The following SCARF1 variants were observed in gnomAD, a reference collection of about 807,000 sequenced individuals.
The protein encoded by SCARF1 is scavenger receptor class F member 1.
SCARF1 carries 49 observed loss-of-function variants against 76.3 expected under a neutral mutation model. That is an observed-to-expected ratio of 0.64 (90% confidence interval 0.51 to 0.81). The LOEUF is 0.81. SCARF1 is among the 40% of genes least tolerant of loss of function. SCARF1 has a pLI of 0.00. For synonymous variants in SCARF1, 495 were observed against 474.6 expected (o/e 1.04, Z -0.56); for missense variants, 1,098 against 1,143.9 (o/e 0.96, Z 0.58).
At position 1,640,574 on chromosome 17, in the gene SCARF1, T is replaced by G. The variant is rs777312535; in HGVS notation, c.884A>C (p.Gln295Pro). ...GCCAAAGGTGCCAGGCAGGCAGGGC[T>G]GCTGGCACTGGGTCCCGTTCCAGCC... ...EPGWNGTQCQQPCLPGTFGES... is the reference protein window; with the variant it reads ...EPGWNGTQCQPPCLPGTFGES... Residue 295 changes from glutamine (Q) to proline (P), a missense_variant, in exon 5 of 11, where the codon CAG becomes CCG. Coordinates refer to ENST00000263071, the MANE Select transcript of SCARF1 (RefSeq NM_003693.4). The surrounding 1 kb of genome is among the most constrained non-coding windows in gnomAD (Gnocchi z 4.7). 4 of 1,611,420 alleles carry G rather than the reference T, an allele frequency of 2.5e-6. No homozygotes were observed. The highest frequency in any genetic ancestry group is 3.4e-6 in the Non-Finnish European group (4 of 1,179,292).
At position 1,636,714 on chromosome 17, in the gene SCARF1, T is replaced by G; in HGVS notation, c.1628A>C (p.Gln543Pro). 1 of 1,613,750 alleles carries G rather than the reference T, an allele frequency of 6.2e-7. No individual in the cohort carries two copies. The highest frequency in any genetic ancestry group is 8.5e-7 in the Non-Finnish European group (1 of 1,179,814). ...GTGGGCTGTTGGGGGGCTACCTTCT[T>G]GGGGTGGCACACAGTAGGCAGGAAC... Reference protein sequence around the residue: ...DEVPAYCVPPQEGMVPVAQAG... With the variant: ...DEVPAYCVPPPEGMVPVAQAG... The change falls in exon 10 of 11, where the codon CAA becomes CCA. Residue 543 changes from glutamine to proline, a missense_variant. Gln to Pro is a moderately conservative substitution (Grantham distance 76). Transcript: ENST00000263071.
chr17:1,634,333 G>A lies in SCARF1; in HGVS notation c.*425C>T. ...GAACCCGGGAGGCAGAGCTTGCAGT[G>A]AGCCGAGATCGCACCACTGCACTCC... On this transcript the variant is annotated 3_prime_UTR_variant, in exon 11 of 11. Coordinates refer to ENST00000263071, the MANE Select transcript of SCARF1 (RefSeq NM_003693.4). 3.3e-6 allele frequency: 1 copy of A among 301,652 alleles called. No homozygotes were observed. The highest frequency in any genetic ancestry group is 6.0e-6 in the Non-Finnish European group (1 of 166,608). The allele number at this position is 301,652 out of a possible 1,614,324, so 18.7% of individuals were successfully genotyped here.
chr17:1,637,238 A>G (rs891858608), intron 8 of SCARF1, among the ~76,000 whole-genome samples, 176 bp from the exon 9 acceptor site: 74 of 152,132 alleles, frequency 4.9e-4, no homozygotes, highest in African/African-American at 1.8e-3. Context: ...CACAGAACAA[A>G]GAGTGGCTCT....
chr17:1,634,731 T>C lies in SCARF1; in HGVS notation c.*27A>G. The C allele has an allele frequency of 1.3e-6, 2 of 1,557,414 alleles. No individual in the cohort carries two copies. Among genetic ancestry groups the C allele is most frequent in the Non-Finnish European group, 1.7e-6 (2 of 1,149,050 alleles). On this transcript the variant is annotated 3_prime_UTR_variant, in exon 11 of 11. Coordinates refer to ENST00000263071, the MANE Select transcript of SCARF1 (RefSeq NM_003693.4). ...ACACAGCACAGTCTAGTCCATCCAC[T>C]CTCCCCACTCCCCAAATTCAAGGTC...
intron 8 of SCARF1, 121 bp downstream of exon 8, chr17:1,638,685 A>G (rs58644473): frequency 1.3e-6 from 1 of 765,528 alleles, no homozygotes; most frequent in Non-Finnish European, 1.7e-6. Flanking sequence ...CCCCACCCCC[A>G]TCACCTCTGA....
chr17:1,639,326 T>C (rs1362899550), intron 7 of SCARF1, among the ~76,000 whole-genome samples: 1 of 152,056 alleles, frequency 6.6e-6, no homozygotes, highest in Admixed American at 6.6e-5. Context: ...GCCAACATGG[T>C]GAAACCCTGT....
chr17:1,640,239 G>T lies in SCARF1; in HGVS notation c.1011-199C>A. ...CAGACTACAAGTCCCCAGAGGGCGAGGAGGGCAGGAAGCCTCAGAGGGGAG... is the reference window on the plus strand; with the variant it reads ...CAGACTACAAGTCCCCAGAGGGCGATGAGGGCAGGAAGCCTCAGAGGGGAG... On this transcript the variant is annotated intron_variant, in intron 5 of 10. Transcript: ENST00000263071. The surrounding 1 kb of genome is among the most constrained non-coding windows in gnomAD (Gnocchi z 4.7). The T allele has an allele frequency of 1.3e-6, 1 of 771,716 alleles. No homozygotes were observed. Among genetic ancestry groups the T allele is most frequent in the Non-Finnish European group, 2.0e-6 (1 of 491,256 alleles). The allele number at this position is 771,716 out of a possible 1,614,324, so 47.8% of individuals were successfully genotyped here. A position where few individuals can be genotyped will look rare whatever the true frequency, so the allele number is the denominator to read the frequency against.
chr17:1,637,009 G>A lies in SCARF1; in HGVS notation c.1418C>T (p.Thr473Ile). The A allele has an allele frequency of 3.1e-6, 5 of 1,614,046 alleles. No individual in the cohort carries two copies. The highest frequency in any genetic ancestry group is 4.2e-6 in the Non-Finnish European group (5 of 1,180,022). ...CAGCGTGGAGCCCAAGCTGGTCAGT[G>A]TCCCCCAGACCTGCAGCTTCATCCT... ...VSRMKLQVWG[T>I]LTSLGSTLPC... The change falls in exon 9 of 11, where the codon ACA becomes ATA. Residue 473 changes from threonine to isoleucine, a missense_variant. Physicochemically the swap from Thr to Ile is moderately conservative, Grantham distance 89 (BLOSUM62 -1). Transcript: ENST00000263071.
Position 1,644,977 on chromosome 17 carries a change from C to G in SCARF1, c.164-42G>C. On this transcript the variant is annotated intron_variant, in intron 2 of 10. Transcript: ENST00000263071. The surrounding 1 kb of genome is among the most constrained non-coding windows in gnomAD (Gnocchi z 4.8). ...CCAGGTTGGAAAGACGGGAGCAGGA[C>G]CAGGGGACACCCCTGCCCTCTCACT... 1 of 1,594,758 alleles carries G rather than the reference C, an allele frequency of 6.3e-7. No homozygotes were observed. Among genetic ancestry groups the G allele is most frequent in the Non-Finnish European group, 8.6e-7 (1 of 1,168,584 alleles).
In SCARF1 at chr17:1,636,940, C is replaced by T; in HGVS notation, c.1486+1G>A. 6.2e-7 allele frequency: 1 copy of T among 1,614,094 alleles called. No individual in the cohort carries two copies. The highest frequency in any genetic ancestry group is 8.5e-7 in the Non-Finnish European group (1 of 1,180,014). On this transcript the variant is annotated splice_donor_variant, in intron 9 of 10. Transcript: ENST00000263071. LOFTEE classifies it high-confidence loss of function. Reference sequence around the variant, plus strand: ...GACCCCGGCCCCCAGCGCCCACTGACCTGTCACCCAGGGTAGCTTGTGGGA... The same window carrying T: ...GACCCCGGCCCCCAGCGCCCACTGATCTGTCACCCAGGGTAGCTTGTGGGA...
rs541013070 is a variant in SCARF1, at chr17:1,645,425, C to T, written c.101+172G>A. ...TTCCCTGACCCTTCCACCATCTGCCCTGGCTGGCCACTACCTGCCAGACCG... is the reference window on the plus strand; with the variant it reads ...TTCCCTGACCCTTCCACCATCTGCCTTGGCTGGCCACTACCTGCCAGACCG... On this transcript the variant is annotated intron_variant, in intron 1 of 10. Transcript: ENST00000263071. This position sits in a 1 kb window ranked among gnomAD's most constrained non-coding sequence, Gnocchi z 6.3. 5 of 1,477,130 alleles carry T rather than the reference C, an allele frequency of 3.4e-6. No individual in the cohort carries two copies. The highest frequency in any genetic ancestry group is 2.2e-5 in the Admixed American group (1 of 46,416). 91.5% of individuals were successfully genotyped at this position (1,477,130 alleles called of 1,614,324 possible).
Position 1,640,415 on chromosome 17 carries a change from T to C in SCARF1, c.1010+33A>G, listed in dbSNP as rs1427498821. On this transcript the variant is annotated intron_variant, in intron 5 of 10. Coordinates refer to ENST00000263071, the MANE Select transcript of SCARF1 (RefSeq NM_003693.4). This position sits in a 1 kb window ranked among gnomAD's most constrained non-coding sequence, Gnocchi z 4.7. Reference sequence around the variant, plus strand: ...CTGAGCTGAGGGTCCTGGGGGAAGGTGTACCCCACCCTGAACAGAATGGTG... The same window carrying C: ...CTGAGCTGAGGGTCCTGGGGGAAGGCGTACCCCACCCTGAACAGAATGGTG... The C allele has an allele frequency of 6.6e-7, 1 of 1,524,476 alleles. No individual in the cohort carries two copies. The highest frequency in any genetic ancestry group is 8.9e-7 in the Non-Finnish European group (1 of 1,126,310). The allele number at this position is 1,524,476 out of a possible 1,614,324, so 94.4% of individuals were successfully genotyped here.
intron 4 of SCARF1, among the ~76,000 whole-genome samples, chr17:1,641,744 C>T (rs926417279): frequency 1.3e-5 from 2 of 152,178 alleles, no homozygotes; most frequent in African/African-American, 4.8e-5. Flanking sequence ...TTCTTCAAGA[C>T]TGAGTCTCAC....
chr17:1,639,322 A>G (rs990317541), intron 7 of SCARF1, among the ~76,000 whole-genome samples: 4 of 152,206 alleles, frequency 2.6e-5, no homozygotes, highest in African/African-American at 7.2e-5. Context: ...CCTGGCCAAC[A>G]TGGTGAAACC....
Position 1,634,593 on chromosome 17 carries a change from C to T in SCARF1, c.*165G>A, listed in dbSNP as rs1399913808. ...TCTCTGCCCAGGCCTTCCTGGGCCC[C>T]TCCGGGAGCACTGCCAGGGGCCTGG... On this transcript the variant is annotated 3_prime_UTR_variant, in exon 11 of 11. Transcript: ENST00000263071. 9.5e-6 allele frequency: 9 copies of T among 947,840 alleles called. No homozygotes were observed. Among genetic ancestry groups the T allele is most frequent in the African/African-American group, 1.7e-5 (1 of 60,298 alleles). 58.7% of individuals were successfully genotyped at this position (947,840 alleles called of 1,614,324 possible). A position where few individuals can be genotyped will look rare whatever the true frequency, so the allele number is the denominator to read the frequency against.
chr17:1,643,652 CA>C lies in SCARF1; in HGVS notation c.580del (p.Cys194AlafsTer173). On this transcript the variant is annotated frameshift_variant, in exon 4 of 11. Transcript: ENST00000263071. LOFTEE classifies it high-confidence loss of function. ...CTCGCACGGGGAGCCGTGGCAGTTG[CA>C]GCGGAAGCTGCAGCGGCGCCCCCAC... ...GWWGRRCSFR[C>X]NCHGSPCEQD... The C allele has an allele frequency of 6.8e-7, 1 of 1,472,916 alleles. No individual in the cohort carries two copies. The highest frequency in any genetic ancestry group is 8.9e-7 in the Non-Finnish European group (1 of 1,119,528). 91.2% of individuals were successfully genotyped at this position (1,472,916 alleles called of 1,614,324 possible).
At position 1,633,885 on chromosome 17, in the gene SCARF1, A is replaced by AT. The variant is rs1399132494; in HGVS notation, c.*872dup. ...CATGTCTGTAATGTTAGTACTTTTT[A>AT]TTTTTTTAACAAAGATCATTGCTTT... is the stretch of plus-strand genomic sequence containing the variant. On this transcript the variant is annotated 3_prime_UTR_variant, in exon 11 of 11. Transcript: ENST00000263071. 2.0e-5 allele frequency: 3 copies of AT among 152,162 alleles called. No homozygotes were observed. The highest frequency in any genetic ancestry group is 6.6e-5 in the Admixed American group (1 of 15,264). The allele number at this position is 152,162 out of a possible 1,614,324, so 9.4% of individuals were successfully genotyped here.
intron 10 of SCARF1, among the ~76,000 whole-genome samples, chr17:1,636,149 C>A (rs969178667): frequency 7.2e-5 from 11 of 152,266 alleles, no homozygotes; most frequent in African/African-American, 2.6e-4. Context: ...CGTCCCTGAC[C>A]CCAGTCACCC....
At position 1,640,406 on chromosome 17, in the gene SCARF1, G is replaced by T; in HGVS notation, c.1010+42C>A. 1 of 1,503,748 alleles carries T rather than the reference G, an allele frequency of 6.7e-7. No individual in the cohort carries two copies. The highest frequency in any genetic ancestry group is 9.0e-7 in the Non-Finnish European group (1 of 1,108,084). 93.2% of individuals were successfully genotyped at this position (1,503,748 alleles called of 1,614,324 possible). A position where few individuals can be genotyped will look rare whatever the true frequency, so the allele number is the denominator to read the frequency against. On this transcript the variant is annotated intron_variant, in intron 5 of 10. Coordinates refer to ENST00000263071, the MANE Select transcript of SCARF1 (RefSeq NM_003693.4). This position sits in a 1 kb window ranked among gnomAD's most constrained non-coding sequence, Gnocchi z 4.7. ...AGAGAGCCGCTGAGCTGAGGGTCCTGGGGGAAGGTGTACCCCACCCTGAAC... is the reference window on the plus strand; with the variant it reads ...AGAGAGCCGCTGAGCTGAGGGTCCTTGGGGAAGGTGTACCCCACCCTGAAC...
Sources: allele counts gnomAD v4.1 joint callset (sites outside exome capture counted in the v4.1 genomes callset), GRCh38; gene constraint gnomAD v4.1.1; non-coding constraint Gnocchi (gnomAD v3.1); transcripts MANE v1.5; gene names NCBI Gene and HGNC (gene_info 2026-07-23, HGNC 2026-07-21).